The following SMURF2 variants were observed in gnomAD, a reference collection of about 807,000 sequenced individuals.
SMURF2 encodes the protein E3 ubiquitin-protein ligase SMURF2.
In SMURF2, 48 loss-of-function variants were observed where a neutral mutation model predicts 109.6. That is an observed-to-expected ratio of 0.44 (90% confidence interval 0.35 to 0.56). The LOEUF (loss-of-function observed/expected upper bound fraction) is 0.56. Among genes scored for constraint, SMURF2 ranks in the 20% least tolerant of loss-of-function variants. The pLI, the probability that SMURF2 is intolerant of heterozygous loss-of-function variation, is 0.01. For synonymous variants in SMURF2, 288 were observed against 317.1 expected (o/e 0.91, Z 0.97); for missense variants, 575 against 909.0 (o/e 0.63, Z 4.72).
chr17:64,576,987 G>A (rs1005260460), intron 9 of SMURF2, among the ~76,000 whole-genome samples: 22 of 147,546 alleles, frequency 1.5e-4, no homozygotes, highest in Admixed American at 2.8e-4. Flanking sequence ...TTAGCCTCGC[G>A]AGCAGCTGGG....
At position 64,591,155 on chromosome 17, in the gene SMURF2, T is replaced by C; in HGVS notation, c.335-6A>G. ...GCATAAATCCAACCTCTGATCTATT[T>C]GAAGTCAACAAAGAAAGCAACGAAA... On this transcript the variant is annotated splice_polypyrimidine_tract_variant and splice_region_variant and intron_variant, in intron 4 of 18. Transcript: ENST00000262435. 6.2e-7 allele frequency: 1 copy of C among 1,611,628 alleles called. No homozygotes were observed. Among genetic ancestry groups the C allele is most frequent in the Non-Finnish European group, 8.5e-7 (1 of 1,178,874 alleles).
At position 64,580,808 on chromosome 17, in the gene SMURF2, T is replaced by C. The variant is rs781981667; in HGVS notation, c.753A>G (p.Pro251=). Residue 251 remains proline, a synonymous_variant, in exon 8 of 19, where the codon CCA becomes CCG. Coordinates refer to ENST00000262435, the MANE Select transcript of SMURF2 (RefSeq NM_022739.4). ...TCATACCATAGCCTTCTGGTAGGTCTGGAGGAGTATGTAAATGTGTTCTGC... is the reference window on the plus strand; with the variant it reads ...TCATACCATAGCCTTCTGGTAGGTCCGGAGGAGTATGTAAATGTGTTCTGC... ...YMSRTHLHTP[P]DLPEGYEQRT... The C allele has an allele frequency of 6.2e-7, 1 of 1,614,200 alleles. No individual in the cohort carries two copies.
intron 1 of SMURF2, among the ~76,000 whole-genome samples, chr17:64,650,411 T>C (rs1970621556): frequency 6.6e-6 from 1 of 151,916 alleles, no homozygotes. Context: ...CATTTATAAC[T>C]AAAGGCACAA....
chr17:64,641,115 T>G (rs1485815282), intron 1 of SMURF2, among the ~76,000 whole-genome samples: 1 of 152,086 alleles, frequency 6.6e-6, no homozygotes, highest in Non-Finnish European at 1.5e-5. Context: ...GTATCTGCTT[T>G]TTTACCAATC....
In SMURF2 at chr17:64,606,439, T is replaced by TA. The variant is rs368523310; in HGVS notation, c.91+162dup. Among the ~76,000 whole-genome samples the TA allele has an allele frequency of 3.0e-3, 448 of 148,544 alleles. 3 individuals carry two copies. Among genetic ancestry groups the TA allele is most frequent in the African/African-American group, 9.0e-3 (365 of 40,682 alleles). On this transcript the variant is annotated intron_variant, in intron 2 of 18. Coordinates refer to ENST00000262435, the MANE Select transcript of SMURF2 (RefSeq NM_022739.4). ...TAAGCCTAAAAAGCACAAAACCTTCTAAAAAAAAAATGTGATGCCAAATGG... is the reference window on the plus strand; with the variant it reads ...TAAGCCTAAAAAGCACAAAACCTTCTAAAAAAAAAAATGTGATGCCAAATGG...
chr17:64,639,087 T>C (rs568598086), intron 1 of SMURF2, among the ~76,000 whole-genome samples: 1 of 152,352 alleles, frequency 6.6e-6, no homozygotes, highest in Admixed American at 6.5e-5. Flanking sequence ...TGTGACCACA[T>C]ACTGGCAATG....
intron 6 of SMURF2, among the ~76,000 whole-genome samples, chr17:64,584,116 A>G (rs35528570): frequency 0.57 from 85,763 of 151,514 alleles, 27,244 homozygotes; most frequent in African/African-American, 0.87. Flanking sequence ...TTAGGAGTTC[A>G]AGACCAGGCT....
intron 1 of SMURF2, among the ~76,000 whole-genome samples, chr17:64,641,876 G>A (rs1299086349): frequency 1.3e-5 from 2 of 152,066 alleles, no homozygotes; most frequent in African/African-American, 2.4e-5. Context: ...GCACAATCTC[G>A]GCTCACTGCA....
chr17:64,606,649 A>T lies in SMURF2; in HGVS notation c.53-9T>A. The T allele has an allele frequency of 6.6e-7, 1 of 1,513,480 alleles. No homozygotes were observed. The highest frequency in any genetic ancestry group is 1.2e-5 in the South Asian group (1 of 80,152). The allele number at this position is 1,513,480 out of a possible 1,614,324, so 93.8% of individuals were successfully genotyped here. On this transcript the variant is annotated splice_polypyrimidine_tract_variant and intron_variant, in intron 1 of 18. Transcript: ENST00000262435. ...GTTTTTTGCACAGAGTACTGTAAAA[A>T]AAAAAAACAAAAAATACATGGGAAA...
chr17:64,593,581 A>T lies in SMURF2; in HGVS notation c.201-8T>A. On this transcript the variant is annotated splice_polypyrimidine_tract_variant and splice_region_variant and intron_variant, in intron 3 of 18. Coordinates refer to ENST00000262435, the MANE Select transcript of SMURF2 (RefSeq NM_022739.4). ...TCAGACTTTCCAATATACCTAAAAA[A>T]CAAAACGGCTGCATGAGTAACTTGG... 7 of 1,525,350 alleles carry T rather than the reference A, an allele frequency of 4.6e-6. No individual in the cohort carries two copies. Among genetic ancestry groups the T allele is most frequent in the Non-Finnish European group, 6.2e-6 (7 of 1,129,986 alleles). 94.5% of individuals were successfully genotyped at this position (1,525,350 alleles called of 1,614,324 possible).
At chr17:64,570,985 G>C (rs1555685504) in intron 10 of SMURF2, among the ~76,000 whole-genome samples, 1 of 152,034 alleles carries the variant, frequency 6.6e-6, no homozygotes, top group African/African-American at 2.4e-5. Flanking sequence ...GGACTCACAT[G>C]TTGGCCAGGT....
intron 9 of SMURF2, among the ~76,000 whole-genome samples, chr17:64,574,834 A>C (rs142256961): frequency 6.6e-6 from 1 of 152,324 alleles, no homozygotes; most frequent in Non-Finnish European, 1.5e-5. Flanking sequence ...AGTGGTGCTG[A>C]AATCTGTCTC....
intron 1 of SMURF2, among the ~76,000 whole-genome samples, chr17:64,628,992 A>G (rs1970302995): frequency 6.6e-6 from 1 of 152,288 alleles, no homozygotes; most frequent in Middle Eastern, 3.4e-3. Context: ...CCTTCAAAAG[A>G]AAGCCAGGCT....
chr17:64,626,269 A>AC (rs1482367792), intron 1 of SMURF2, among the ~76,000 whole-genome samples: 1 of 151,768 alleles, frequency 6.6e-6, no homozygotes, highest in Admixed American at 6.6e-5. Flanking sequence ...AAAAAAAAAA[A>AC]AAAAACAAAA....
chr17:64,561,471 A>G (rs1555684505), intron 12 of SMURF2, 29 bp downstream of exon 12: 3 of 1,441,308 alleles, frequency 2.1e-6, no homozygotes, highest in Non-Finnish European at 2.9e-6. Context: ...AAAGATCCAT[A>G]TGTCATAAGC....
chr17:64,562,644 C>G, intron 11 of SMURF2, 127 bp downstream of exon 11: 1 of 846,858 alleles, frequency 1.2e-6, no homozygotes. Context: ...TCCCAAAGTG[C>G]TGGGATTACA....
intron 2 of SMURF2, among the ~76,000 whole-genome samples, chr17:64,600,616 G>C (rs564664731): frequency 1.9e-4 from 29 of 152,108 alleles, no homozygotes; most frequent in Non-Finnish European, 2.5e-4. Context: ...AAGTTTCAAA[G>C]AAACTTGGTA....
intron 2 of SMURF2, among the ~76,000 whole-genome samples, chr17:64,599,853 A>T (rs8068184): frequency 0.14 from 21,820 of 152,146 alleles, 2,480 homozygotes; most frequent in African/African-American, 0.31. Context: ...TTCCTAGCAA[A>T]AGGAAGAGCA....
chr17:64,569,844 C>T (rs1969374175), intron 10 of SMURF2, among the ~76,000 whole-genome samples: 2 of 152,164 alleles, frequency 1.3e-5, no homozygotes, highest in South Asian at 2.1e-4. Context: ...AGGCAAGCGC[C>T]CTAGAGCAGT....
Sources: gnomAD v4.1 joint callset for allele counts (sites outside exome capture counted in the v4.1 genomes callset) on GRCh38, gnomAD v4.1.1 for gene constraint, MANE v1.5 for transcripts, NCBI Gene and HGNC (gene_info 2026-07-23, HGNC 2026-07-21) for gene names.